The following CDK14 variants were observed in gnomAD, a reference collection of about 807,000 sequenced individuals.
CDK14 encodes cyclin dependent kinase 14, also known as cyclin-dependent kinase 14.
CDK14 carries 34 observed loss-of-function variants against 60.7 expected under a neutral mutation model. The ratio of observed to expected loss-of-function variants is 0.56; its 90% CI spans 0.43 to 0.75. The LOEUF (loss-of-function observed/expected upper bound fraction) is 0.75, where lower values mean the gene tolerates loss of function less well. Ranked by LOEUF, CDK14 falls within the 30% of genes least tolerant of loss-of-function variation. The pLI is 0.00. For missense variants in CDK14, 482 were observed against 564.1 expected (o/e 0.85, Z 1.47); for synonymous variants, 197 against 203.7 (o/e 0.97, Z 0.28).
chr7:91,057,605 T>G lies in CDK14; in HGVS notation c.1105+11645T>G, dbSNP rs367858291. The stretch of plus-strand genomic sequence containing the variant: ...GTATAAGGTATAAGGAAGGGATCCA[T>G]TTTCAGCTTTCTACATATGGCTAGC... On this transcript the variant is annotated intron_variant, in intron 11 of 14. Coordinates refer to ENST00000380050, the MANE Select transcript of CDK14 (RefSeq NM_001287135.2). Among the ~76,000 whole-genome samples, 1,231 of 152,262 alleles carry G rather than the reference T, an allele frequency of 8.1e-3. 19 individuals are homozygous for G. The highest frequency in any genetic ancestry group is 0.027 in the African/African-American group (1,132 of 41,554).
At chr7:90,850,510 A>T (rs1198565549) in intron 5 of CDK14, among the ~76,000 whole-genome samples, 1 of 152,180 alleles carries the variant, frequency 6.6e-6, no homozygotes, top group African/African-American at 2.4e-5. Context: ...CACCTCACTT[A>T]ACCTTGGGGG....
intron 2 of CDK14, among the ~76,000 whole-genome samples, chr7:90,699,741 A>G (rs779056538): frequency 6.6e-6 from 1 of 152,174 alleles, no homozygotes; most frequent in Non-Finnish European, 1.5e-5. Flanking sequence ...CCTTGCATTC[A>G]GGTGGTCCTG....
Position 90,752,137 on chromosome 7 carries a change from A to G in CDK14, c.464+4362A>G, listed in dbSNP as rs115174099. 6.9e-3 allele frequency among the ~76,000 whole-genome samples: 1,044 copies of G among 152,298 alleles called. 17 individuals carry two copies. Among genetic ancestry groups the G allele is most frequent in the African/African-American group, 0.024 (1,010 of 41,564 alleles). On this transcript the variant is annotated intron_variant, in intron 4 of 14. Coordinates refer to ENST00000380050, the MANE Select transcript of CDK14 (RefSeq NM_001287135.2). The stretch of plus-strand genomic sequence containing the variant: ...TCATCAAGGCAGAAGACCAACAAGG[A>G]AATTCTGGACTTAAATTCTACCCCT...
chr7:91,149,621 C>G (rs1020735803), intron 14 of CDK14, among the ~76,000 whole-genome samples: 6 of 152,132 alleles, frequency 3.9e-5, no homozygotes, highest in African/African-American at 1.4e-4. Flanking sequence ...TGTTCTTGGC[C>G]CCATATCTGT....
intron 8 of CDK14, among the ~76,000 whole-genome samples, chr7:90,944,108 A>G (rs1046097381): frequency 1.3e-5 from 2 of 152,174 alleles, no homozygotes; most frequent in African/African-American, 4.8e-5. Context: ...ACTTCTCTAC[A>G]ACATGATGAC....
At chr7:90,866,229 CACAT>C (rs1312985564) in intron 6 of CDK14, among the ~76,000 whole-genome samples, 23 of 117,998 alleles carry the variant, frequency 1.9e-4, no homozygotes, top group African/African-American at 5.8e-4. Context: ...CACACACATA[CACAT>C]ACACACACAC....
At chr7:90,801,769 C>T (rs1788640712) in intron 5 of CDK14, among the ~76,000 whole-genome samples, 1 of 152,072 alleles carries the variant, frequency 6.6e-6, no homozygotes, top group African/African-American at 2.4e-5. Flanking sequence ...CCATAAGAGC[C>T]TTTTTTTATC....
At chr7:90,827,239 A>AT (rs1446733728) in intron 5 of CDK14, among the ~76,000 whole-genome samples, 1 of 152,106 alleles carries the variant, frequency 6.6e-6, no homozygotes, top group African/African-American at 2.4e-5. Flanking sequence ...TCATTCAGCA[A>AT]TTTGCATTTA....
At chr7:90,655,326 A>T (rs1357504581) in intron 2 of CDK14, among the ~76,000 whole-genome samples, 1 of 152,140 alleles carries the variant, frequency 6.6e-6, no homozygotes, top group Non-Finnish European at 1.5e-5. Context: ...TATGTAGTGC[A>T]GGATTGTGTT....
intron 3 of CDK14, among the ~76,000 whole-genome samples, chr7:90,741,994 T>A (rs887257521): frequency 4.6e-5 from 7 of 152,092 alleles, no homozygotes; most frequent in Non-Finnish European, 7.4e-5. Flanking sequence ...ATGAAATAAA[T>A]CTCATTTGGC....
At chr7:90,736,360 T>G (rs1221840773) in intron 3 of CDK14, among the ~76,000 whole-genome samples, 6 of 147,128 alleles carry the variant, frequency 4.1e-5, no homozygotes, top group Non-Finnish European at 9.0e-5. Context: ...GTTTTTTTTT[T>G]TTTTTTTTTT....
intron 4 of CDK14, among the ~76,000 whole-genome samples, chr7:90,757,681 A>G (rs1278114823): frequency 6.6e-6 from 1 of 151,706 alleles, no homozygotes; most frequent in Non-Finnish European, 1.5e-5. Context: ...GCTCACTGCA[A>G]CCTCTGCCGC....
At chr7:91,003,255 C>A (rs1054000327) in intron 10 of CDK14, among the ~76,000 whole-genome samples, 1 of 152,040 alleles carries the variant, frequency 6.6e-6, no homozygotes, top group African/African-American at 2.4e-5. Context: ...TCTACTAATT[C>A]TAGTTGTAAA....
intron 2 of CDK14, among the ~76,000 whole-genome samples, chr7:90,633,928 A>C (rs996390608): frequency 6.6e-6 from 1 of 152,210 alleles, no homozygotes; most frequent in East Asian, 1.9e-4. Flanking sequence ...TGTTGTGAAT[A>C]TATTTGTACT....
At chr7:91,184,712 A>C (rs1183140249) in intron 14 of CDK14, among the ~76,000 whole-genome samples, 1 of 152,142 alleles carries the variant, frequency 6.6e-6, no homozygotes, top group Admixed American at 6.5e-5. Flanking sequence ...TGAAGGCAGT[A>C]GTGGGAATTC....
chr7:90,853,019 C>T (rs1790700907), intron 5 of CDK14, among the ~76,000 whole-genome samples: 2 of 152,164 alleles, frequency 1.3e-5, no homozygotes, highest in Admixed American at 6.5e-5. Context: ...CAACCAAAAT[C>T]TGTATTCATT....
At chr7:91,110,414 T>C (rs1799437794) in intron 12 of CDK14, among the ~76,000 whole-genome samples, 1 of 152,208 alleles carries the variant, frequency 6.6e-6, no homozygotes, top group South Asian at 2.1e-4. Context: ...TAAGTGTTTA[T>C]AATTCTTCGA....
intron 4 of CDK14, among the ~76,000 whole-genome samples, chr7:90,759,362 C>T (rs1370129711): frequency 6.6e-6 from 1 of 152,150 alleles, no homozygotes; most frequent in Non-Finnish European, 1.5e-5. Flanking sequence ...CTTTGAGGGC[C>T]TTAAGCTAAA....
intron 10 of CDK14, among the ~76,000 whole-genome samples, chr7:91,007,092 T>C (rs1317026820): frequency 6.6e-6 from 1 of 152,212 alleles, no homozygotes; most frequent in Non-Finnish European, 1.5e-5. Flanking sequence ...TTGAACATTT[T>C]TATAAATTTT....
Sources: allele counts gnomAD v4.1 joint callset (sites outside exome capture counted in the v4.1 genomes callset), GRCh38; gene constraint gnomAD v4.1.1; transcripts MANE v1.5; gene names NCBI Gene and HGNC (gene_info 2026-07-23, HGNC 2026-07-21).